The following XIRP2 variants were observed in gnomAD, a reference collection of about 807,000 sequenced individuals.
The protein encoded by XIRP2 is xin actin-binding repeat-containing protein 2.
XIRP2 carries 236 observed loss-of-function variants against 277.0 expected under a neutral mutation model. The observed-to-expected ratio is 0.85, with a 90% CI of 0.77 to 0.95. The LOEUF (loss-of-function observed/expected upper bound fraction) is 0.95, where lower values mean the gene tolerates loss of function less well. Among genes scored for constraint, XIRP2 ranks in the 40% least tolerant of loss-of-function variants. XIRP2 has a pLI of 0.00. For synonymous variants in XIRP2, 1,490 were observed against 1,416.5 expected (o/e 1.05, Z -1.17); for missense variants, 4,640 against 4,157.5 (o/e 1.12, Z -3.19).
intron 2 of XIRP2, among the ~76,000 whole-genome samples, chr2:166,921,777 C>G (rs765191977): frequency 6.6e-6 from 1 of 152,078 alleles, no homozygotes. Flanking sequence ...TGCTGGGCTT[C>G]AAGGTCACCT....
At chr2:166,969,042 G>A (rs936461057) in intron 2 of XIRP2, among the ~76,000 whole-genome samples, 2 of 151,912 alleles carry the variant, frequency 1.3e-5, no homozygotes, top group South Asian at 2.1e-4. Flanking sequence ...CCTCTTCCCC[G>A]CAAATCCCAC....
intron 7 of XIRP2, 82 bp downstream of exon 7, chr2:167,240,818 A>C: frequency 8.3e-7 from 1 of 1,201,116 alleles, no homozygotes; most frequent in Non-Finnish European, 1.2e-6. Flanking sequence ...TCCAAAGCAC[A>C]GTCCTCCCCT....
At chr2:167,140,247 GGCTTT>G (rs1691673352) in intron 3 of XIRP2, among the ~76,000 whole-genome samples, 1 of 152,138 alleles carries the variant, frequency 6.6e-6, no homozygotes, top group South Asian at 2.1e-4. Context: ...ACTACTGTGA[GGCTTT>G]GCATTCTTTT....
At chr2:167,144,699 T>G (rs1691817411) in intron 3 of XIRP2, among the ~76,000 whole-genome samples, 1 of 152,134 alleles carries the variant, frequency 6.6e-6, no homozygotes, top group Non-Finnish European at 1.5e-5. Flanking sequence ...ATGTCATCAC[T>G]TCACAATACT....
At chr2:166,981,018 CA>C (rs1457281723) in intron 2 of XIRP2, among the ~76,000 whole-genome samples, 2 of 152,040 alleles carry the variant, frequency 1.3e-5, no homozygotes, top group Non-Finnish European at 2.9e-5. Context: ...ATACTCTTAA[CA>C]AGAGTATTAG....
At chr2:167,027,758 T>C (rs1221774323) in intron 2 of XIRP2, among the ~76,000 whole-genome samples, 2 of 152,018 alleles carry the variant, frequency 1.3e-5, no homozygotes, top group Non-Finnish European at 2.9e-5. Context: ...TGTTGGAGTT[T>C]GCTAGAGGTC....
intron 2 of XIRP2, among the ~76,000 whole-genome samples, chr2:167,009,474 T>C (rs1488860999): frequency 1.3e-5 from 2 of 151,956 alleles, no homozygotes; most frequent in African/African-American, 4.8e-5. Flanking sequence ...TTGTCGGACA[T>C]TGGGGTTGAT....
intron 1 of XIRP2, among the ~76,000 whole-genome samples, chr2:166,901,539 A>G (rs956322444): frequency 6.6e-6 from 1 of 152,044 alleles, no homozygotes; most frequent in African/African-American, 2.4e-5. Flanking sequence ...TCTGCCTCTC[A>G]GCTTTCCCTT....
chr2:166,975,834 GA>G lies in XIRP2; in HGVS notation c.408+71945del, dbSNP rs1427810948. ...CCAGCTACTCGGGAGGCTGAGGCAG[GA>G]GAAGAGAATGGCGTGAACCCTGGAG... On this transcript the variant is annotated intron_variant, in intron 2 of 10. Transcript: ENST00000409195. Among the ~76,000 whole-genome samples the G allele has an allele frequency of 6.1e-5, 9 of 146,494 alleles. No individual in the cohort carries two copies. The East Asian group carries it at 1.7e-3, about 28-fold the overall frequency.
chr2:166,970,905 A>G (rs1686560347), intron 2 of XIRP2, among the ~76,000 whole-genome samples: 1 of 151,980 alleles, frequency 6.6e-6, no homozygotes, highest in Non-Finnish European at 1.5e-5. Flanking sequence ...TGAAATGTAC[A>G]AAGGTAGAAA....
chr2:166,977,956 C>T (rs1037325395), intron 2 of XIRP2, among the ~76,000 whole-genome samples: 1 of 151,970 alleles, frequency 6.6e-6, no homozygotes, highest in African/African-American at 2.4e-5. Flanking sequence ...AAGATATTTC[C>T]TCTTTTTAAT....
At chr2:166,946,899 G>A (rs528077744) in intron 2 of XIRP2, among the ~76,000 whole-genome samples, 24 of 152,134 alleles carry the variant, frequency 1.6e-4, no homozygotes, top group African/African-American at 5.3e-4. Context: ...AATACAATTT[G>A]GATCTCTATG....
intron 2 of XIRP2, among the ~76,000 whole-genome samples, chr2:166,921,689 T>A (rs1685044912): frequency 6.6e-6 from 1 of 152,076 alleles, no homozygotes; most frequent in South Asian, 2.1e-4. Flanking sequence ...AATGGATGAA[T>A]GGAAAATGCT....
rs768797079 is a variant in XIRP2 at position 167,246,975 on chromosome 2, A to T, written c.5583A>T (p.Glu1861Asp). The change falls in exon 9 of 11, where the codon GAA becomes GAT. Residue 1861 changes from glutamate (E) to aspartate (D), a missense_variant. Physicochemically the swap from Glu to Asp is conservative, Grantham distance 45. Coordinates refer to ENST00000409195, the MANE Select transcript of XIRP2 (RefSeq NM_152381.6). ...ATCAGAAAACAGTGACGAAAACAGA[A>T]GAAATTATAAAAGGTAACATGCTAG... is the stretch of plus-strand genomic sequence containing the variant. Reference protein sequence around the residue: ...AVNQKTVTKTEEIIKGNMLAT... With the variant: ...AVNQKTVTKTDEIIKGNMLAT... The T allele has an allele frequency of 1.2e-6, 2 of 1,613,676 alleles. No homozygotes were observed. The highest frequency in any genetic ancestry group is 1.1e-5 in the South Asian group (1 of 91,078).
chr2:166,929,730 A>G (rs1685278498), intron 2 of XIRP2, among the ~76,000 whole-genome samples: 1 of 151,990 alleles, frequency 6.6e-6, no homozygotes, highest in African/African-American at 2.4e-5. Flanking sequence ...TGTTCTTGCT[A>G]CTTTCTGGAA....
At chr2:167,024,688 C>G (rs1031937423) in intron 2 of XIRP2, among the ~76,000 whole-genome samples, 2 of 152,000 alleles carry the variant, frequency 1.3e-5, no homozygotes, top group Non-Finnish European at 2.9e-5. Flanking sequence ...TGTCAAAGGC[C>G]TTTTCTGCAT....
intron 2 of XIRP2, among the ~76,000 whole-genome samples, chr2:166,970,809 C>T (rs1686558216): frequency 6.6e-6 from 1 of 151,626 alleles, no homozygotes; most frequent in Admixed American, 6.6e-5. Flanking sequence ...AAAACCAATT[C>T]TGAAGTTGAT....
In XIRP2 at chr2:167,251,584, C is replaced by G. The variant is rs115533384; in HGVS notation, c.10192C>G (p.Arg3398Gly). ...DFSCKHPREL[R>G]EKIPVKQPRI... Reference sequence around the variant, plus strand: ...TTCTTGCAAACATCCTAGAGAACTGCGAGAAAAGATTCCTGTTAAGCAGCC... The same window carrying G: ...TTCTTGCAAACATCCTAGAGAACTGGGAGAAAAGATTCCTGTTAAGCAGCC... The change falls in exon 9 of 11, where the codon CGA (arginine) becomes GGA (glycine). Residue 3398 changes from arginine to glycine, a missense_variant. Arg to Gly is a moderately radical substitution (Grantham distance 125). Coordinates refer to ENST00000409195, the MANE Select transcript of XIRP2 (RefSeq NM_152381.6). 4 of 1,613,516 alleles carry G rather than the reference C, an allele frequency of 2.5e-6. No homozygotes were observed. The highest frequency in any genetic ancestry group is 3.4e-6 in the Non-Finnish European group (4 of 1,179,640).
At chr2:166,908,250 A>G (rs1173755728) in intron 2 of XIRP2, among the ~76,000 whole-genome samples, 2 of 152,060 alleles carry the variant, frequency 1.3e-5, no homozygotes, top group Non-Finnish European at 2.9e-5. Context: ...AAGTGTTCCT[A>G]TTTCTCTATG....
Sources: gnomAD v4.1 joint callset for allele counts (sites outside exome capture counted in the v4.1 genomes callset) on GRCh38, gnomAD v4.1.1 for gene constraint, MANE v1.5 for transcripts, NCBI Gene and HGNC (gene_info 2026-07-23, HGNC 2026-07-21) for gene names.